SYT13: variants seen among roughly 807,000 people sequenced by gnomAD.
SYT13 encodes the protein synaptotagmin-13.
In SYT13, 21 loss-of-function variants were observed where a neutral mutation model predicts 38.6. The ratio of observed to expected loss-of-function variants is 0.54; its 90% CI spans 0.39 to 0.78. The LOEUF is 0.78. Among genes scored for constraint, SYT13 ranks in the 30% least tolerant of loss-of-function variants. SYT13 has a pLI of 0.00. For missense variants in SYT13, 495 were observed against 548.7 expected (o/e 0.90, Z 0.98); for synonymous variants, 241 against 237.6 (o/e 1.01, Z -0.13).
Position 45,241,118 on chromosome 11 carries a change from G to T in SYT13, c.*2934C>A, listed in dbSNP as rs1854545378. ...ATGGAGAGCAATGAGTTGCCATTAG[G>T]CAAATAGTAATACTCATTGTCATGA... is the stretch of plus-strand genomic sequence containing the variant. On this transcript the variant is annotated 3_prime_UTR_variant, in exon 6 of 6. Coordinates refer to ENST00000020926, the MANE Select transcript of SYT13 (RefSeq NM_020826.3). 1 of 152,154 alleles carries T rather than the reference G, an allele frequency of 6.6e-6. No individual in the cohort carries two copies. The highest frequency in any genetic ancestry group is 2.4e-5 in the African/African-American group (1 of 41,446). 9.4% of individuals were successfully genotyped at this position (152,154 alleles called of 1,614,324 possible).
chr11:45,269,728 C>T (rs1854926733), intron 1 of SYT13, among the ~76,000 whole-genome samples: 1 of 152,192 alleles, frequency 6.6e-6, no homozygotes, highest in Admixed American at 6.5e-5. Context: ...TTTGTCCACC[C>T]CAAAGCTAGT....
In SYT13 at chr11:45,252,507, C is replaced by T. The variant is rs767668042; in HGVS notation, c.760G>A (p.Val254Met). ...RTCDRFSRHS[V>M]AGELRLGLDG... Reference sequence around the variant, plus strand: ...AGGCCCAGGCGGAGCTCCCCGGCCACGCTGTGACGGGAGAAGCGGTCGCAG... The same window carrying T: ...AGGCCCAGGCGGAGCTCCCCGGCCATGCTGTGACGGGAGAAGCGGTCGCAG... Residue 254 changes from valine to methionine, a missense_variant, in exon 4 of 6, where the codon GTG (valine) becomes ATG (methionine). Transcript: ENST00000020926. The surrounding 1 kb of genome is among the most constrained non-coding windows in gnomAD (Gnocchi z 4.3). The T allele has an allele frequency of 2.0e-5, 33 of 1,613,872 alleles. No homozygotes were observed. The highest frequency in any genetic ancestry group is 1.2e-4 in the South Asian group (11 of 91,084).
At chr11:45,285,895 T>A (rs1280302047) in intron 1 of SYT13, 130 bp downstream of exon 1, 14 of 1,098,524 alleles carry the variant, frequency 1.3e-5, no homozygotes, top group Middle Eastern at 2.2e-4. Context: ...CTCCAACGCG[T>A]CTGCTGTCCC....
rs1419308932 is a variant in SYT13, at chr11:45,255,818, C to G, written c.257G>C (p.Arg86Thr). The change falls in exon 2 of 6, where the codon AGG becomes ACG. Residue 86 changes from arginine to threonine, a missense_variant. Physicochemically the swap from Arg to Thr is moderately conservative, Grantham distance 71 (BLOSUM62 -1). Coordinates refer to ENST00000020926, the MANE Select transcript of SYT13 (RefSeq NM_020826.3). ...LLKFPDIYGP[R>T]PAVTAPEVIN... Reference sequence around the variant, plus strand: ...GACCTCTGGAGCCGTCACAGCTGGCCTGGGTCCATAGATGTCTGGGAACTT... The same window carrying G: ...GACCTCTGGAGCCGTCACAGCTGGCGTGGGTCCATAGATGTCTGGGAACTT... 2 of 1,614,186 alleles carry G rather than the reference C, an allele frequency of 1.2e-6. No individual in the cohort carries two copies. The highest frequency in any genetic ancestry group is 1.7e-6 in the Non-Finnish European group (2 of 1,180,042).
chr11:45,284,395 A>C (rs1463148970), intron 1 of SYT13, among the ~76,000 whole-genome samples: 1 of 152,192 alleles, frequency 6.6e-6, no homozygotes, highest in East Asian at 1.9e-4. Context: ...TCACTGGGTC[A>C]AGAAACACAT....
chr11:45,250,314 G>T (rs1854657061), intron 4 of SYT13, among the ~76,000 whole-genome samples: 1 of 152,236 alleles, frequency 6.6e-6, no homozygotes, highest in South Asian at 2.1e-4. Flanking sequence ...GAGCTGCAAG[G>T]TCAGGGCTTC....
intron 1 of SYT13, among the ~76,000 whole-genome samples, chr11:45,264,891 T>C (rs1408189594): frequency 3.9e-5 from 6 of 152,262 alleles, no homozygotes; most frequent in Admixed American, 6.5e-5. Context: ...CTAGTGCCGG[T>C]GGAAGGGAAA....
chr11:45,284,131 G>A (rs12363398), intron 1 of SYT13, among the ~76,000 whole-genome samples: 21 of 152,102 alleles, frequency 1.4e-4, no homozygotes, highest in South Asian at 1.2e-3. Flanking sequence ...AAGAATGATC[G>A]TAAATCCAGG....
At chr11:45,282,261 T>C (rs998352444) in intron 1 of SYT13, among the ~76,000 whole-genome samples, 3 of 152,132 alleles carry the variant, frequency 2.0e-5, no homozygotes, top group African/African-American at 7.2e-5. Flanking sequence ...GTGGGCGGCG[T>C]AGTAAAACTG....
Position 45,286,035 on chromosome 11 carries a change from G to T in SYT13, c.173C>A (p.Ser58Tyr), listed in dbSNP as rs1240216100. The change falls in exon 1 of 6, where the codon TCT becomes TAT. Residue 58 changes from serine (S) to tyrosine (Y), a missense_variant. Coordinates refer to ENST00000020926, the MANE Select transcript of SYT13 (RefSeq NM_020826.3). ...GCCGCCCCCGCTCACCTGTTGTGCA[G>T]ACCCGAGCAAGCTGGGCTTCGCCTT... ...LEKAKPSLLG[S>Y]AQQFNVKKST... The T allele has an allele frequency of 1.2e-6, 2 of 1,608,002 alleles. No homozygotes were observed. Among genetic ancestry groups the T allele is most frequent in the Non-Finnish European group, 1.7e-6 (2 of 1,179,566 alleles).
At chr11:45,261,242 A>G (rs1212164476) in intron 1 of SYT13, among the ~76,000 whole-genome samples, 1 of 152,232 alleles carries the variant, frequency 6.6e-6, no homozygotes, top group East Asian at 1.9e-4. Flanking sequence ...ATGTGAAGAA[A>G]TCGGAATTCT....
At position 45,241,894 on chromosome 11, in the gene SYT13, A is replaced by T. The variant is rs1219071441; in HGVS notation, c.*2158T>A. 6.6e-6 allele frequency: 1 copy of T among 152,240 alleles called. No homozygotes were observed. 9.4% of individuals were successfully genotyped at this position (152,240 alleles called of 1,614,324 possible). On this transcript the variant is annotated 3_prime_UTR_variant, in exon 6 of 6. Transcript: ENST00000020926. Reference sequence around the variant, plus strand: ...CACAACACTTGGCAGGGGCTGGCCAACCTCAGTGATGAAGGTTTCCAATTA... The same window carrying T: ...CACAACACTTGGCAGGGGCTGGCCATCCTCAGTGATGAAGGTTTCCAATTA...
intron 1 of SYT13, among the ~76,000 whole-genome samples, chr11:45,269,747 C>T (rs1041456961): frequency 6.6e-6 from 1 of 152,192 alleles, no homozygotes; most frequent in Non-Finnish European, 1.5e-5. Flanking sequence ...GTGCTACTAA[C>T]CTGTATACTA....
intron 2 of SYT13, 116 bp downstream of exon 2, chr11:45,255,550 C>T (rs777813631): frequency 4.6e-5 from 44 of 964,006 alleles, no homozygotes; most frequent in Non-Finnish European, 6.3e-5. Flanking sequence ...GCTTGGCCAG[C>T]GTCAAATGCC....
intron 1 of SYT13, among the ~76,000 whole-genome samples, chr11:45,273,008 G>A (rs1465109336): frequency 6.6e-6 from 1 of 152,196 alleles, no homozygotes; most frequent in Non-Finnish European, 1.5e-5. Flanking sequence ...CATTAGGGTT[G>A]GTAATAATAG....
Position 45,262,844 on chromosome 11 carries a change from G to C in SYT13, c.184-6953C>G, listed in dbSNP as rs9736735. On this transcript the variant is annotated intron_variant, in intron 1 of 5. Coordinates refer to ENST00000020926, the MANE Select transcript of SYT13 (RefSeq NM_020826.3). ...GTTCTTTTACCATAATAAAAAAAAA[G>C]AGAGAAAAAACCCCAAACATCTCCA... is the stretch of plus-strand genomic sequence containing the variant. Among the ~76,000 whole-genome samples, 6 of 151,732 alleles carry C rather than the reference G, an allele frequency of 4.0e-5. No homozygotes were observed. The South Asian group carries it at 1.3e-3, about 32-fold the overall frequency.
At chr11:45,254,872 G>A (rs752503872) in intron 2 of SYT13, among the ~76,000 whole-genome samples, 2 of 152,046 alleles carry the variant, frequency 1.3e-5, no homozygotes, top group African/African-American at 2.4e-5. Flanking sequence ...CCAGCACTTC[G>A]AGAGGCCAAG....
At chr11:45,279,026 G>C (rs1182967592) in intron 1 of SYT13, among the ~76,000 whole-genome samples, 1 of 152,210 alleles carries the variant, frequency 6.6e-6, no homozygotes, top group African/African-American at 2.4e-5. Flanking sequence ...TTCTGAAGTT[G>C]ACCTACAAAG....
Position 45,255,680 on chromosome 11 carries a change from A to T in SYT13, c.395T>A (p.Ile132Asn), listed in dbSNP as rs1463391926. ...GAGACCCCTACCATTCTGAGGGAGG[A>T]TGAACAGCTCCTCTGTGACCTGCCT... The part of the protein sequence containing the change: ...LKRQVTEELF[I>N]LPQNGVVEDV... Residue 132 changes from isoleucine to asparagine, a missense_variant, in exon 2 of 6, where the codon ATC becomes AAC. Physicochemically the swap from Ile to Asn is moderately radical, Grantham distance 149. Transcript: ENST00000020926. The T allele has an allele frequency of 1.9e-6, 3 of 1,613,968 alleles. No individual in the cohort carries two copies. In the East Asian group the frequency reaches 6.7e-5, roughly 36 times the overall value.
Sources: allele counts gnomAD v4.1 joint callset (sites outside exome capture counted in the v4.1 genomes callset), GRCh38; gene constraint gnomAD v4.1.1; non-coding constraint Gnocchi (gnomAD v3.1); transcripts MANE v1.5; gene names NCBI Gene and HGNC (gene_info 2026-07-23, HGNC 2026-07-21).